The following ITGB5 variants were observed in gnomAD, a reference collection of about 807,000 sequenced individuals.
The protein encoded by ITGB5 is integrin beta-5.
In ITGB5, 38 loss-of-function variants were observed where a neutral mutation model predicts 84.8. The ratio of observed to expected loss-of-function variants is 0.45; its 90% CI spans 0.35 to 0.59. The LOEUF is 0.59. ITGB5 is among the 20% of genes least tolerant of loss of function. ITGB5 has a pLI of 0.01. For missense variants in ITGB5, 905 were observed against 1,034.5 expected, an observed-to-expected ratio of 0.87 and a Z score of 1.72; for synonymous variants, 393 against 414.4, an observed-to-expected ratio of 0.95 and a Z score of 0.63.
At position 124,766,464 on chromosome 3, in the gene ITGB5, AAATCTT is replaced by A. The variant is rs777803677; in HGVS notation, c.2018-125_2018-120del. ...AAAGGGCATGGGGGGTGTGGGCAGA[AAATCTT>A]AAGGGGAGGCTGGGCCTTTGAAGAT... On this transcript the variant is annotated intron_variant, in intron 12 of 14. Coordinates refer to ENST00000296181, the MANE Select transcript of ITGB5 (RefSeq NM_002213.5). 332 of 1,217,698 alleles carry A rather than the reference AAATCTT, an allele frequency of 2.7e-4. 1 individual carries two copies. The Middle Eastern group carries it at 3.1e-3, about 11-fold the overall frequency. The allele number at this position is 1,217,698 out of a possible 1,614,324, so 75.4% of individuals were successfully genotyped here.
Position 124,821,459 on chromosome 3 carries a change from G to A in ITGB5, c.796C>T (p.Arg266Ter), listed in dbSNP as rs761920079. 3.1e-6 allele frequency: 5 copies of A among 1,613,832 alleles called. No homozygotes were observed. The highest frequency in any genetic ancestry group is 4.2e-6 in the Non-Finnish European group (5 of 1,180,006). The change falls in exon 6 of 15, where the codon CGA becomes TGA. Residue 266 changes from arginine to a stop codon, truncating the protein, a stop_gained. Transcript: ENST00000296181. LOFTEE classifies it high-confidence loss of function. ...ACCAGCAAATGCAGTGCATCCTTTC[G>A]CCAGCCAATCTTCTCCTGAAGGACA... ...AAVCKEKIGW[R>*]KDALHLLVFT...
chr3:124,764,233 A>G (rs1238868485), intron 14 of ITGB5, among the ~76,000 whole-genome samples, 158 bp downstream of exon 14: 2 of 152,076 alleles, frequency 1.3e-5, no homozygotes, highest in African/African-American at 2.4e-5. Context: ...GGGCTGTGCA[A>G]TTCTCTCTCT....
At chr3:124,830,911 G>A (rs1162636231) in intron 5 of ITGB5, among the ~76,000 whole-genome samples, 1 of 152,158 alleles carries the variant, frequency 6.6e-6, no homozygotes, top group African/African-American at 2.4e-5. Flanking sequence ...TTGAACCCAG[G>A]AGGCAGAGGT....
chr3:124,817,037 T>C (rs192116791), intron 8 of ITGB5, among the ~76,000 whole-genome samples: 5 of 152,218 alleles, frequency 3.3e-5, no homozygotes, highest in East Asian at 1.9e-4. Context: ...CAGGGCAACA[T>C]AGTGAGACCT....
intron 1 of ITGB5, among the ~76,000 whole-genome samples, chr3:124,899,885 C>T (rs1190169432): frequency 1.2e-5 from 1 of 83,610 alleles, no homozygotes; most frequent in Non-Finnish European, 2.5e-5. Flanking sequence ...AAAAAAAAAG[C>T]AGCAGCAGGC....
At chr3:124,845,293 G>T (rs2065062450) in intron 4 of ITGB5, among the ~76,000 whole-genome samples, 4 of 152,206 alleles carry the variant, frequency 2.6e-5, no homozygotes, top group Admixed American at 2.0e-4. Context: ...AATTAGCTGG[G>T]TGTGGTGGCA....
chr3:124,836,406 A>G (rs2064935861), intron 5 of ITGB5, among the ~76,000 whole-genome samples: 1 of 151,926 alleles, frequency 6.6e-6, no homozygotes, highest in Non-Finnish European at 1.5e-5. Context: ...TGATAACACC[A>G]CAGCACTCCA....
At chr3:124,767,439 TAA>T (rs996701083) in intron 12 of ITGB5, among the ~76,000 whole-genome samples, 2 of 152,132 alleles carry the variant, frequency 1.3e-5, no homozygotes, top group Non-Finnish European at 2.9e-5. Flanking sequence ...GATTGGAACA[TAA>T]GCTTTCTCTG....
At position 124,848,345 on chromosome 3, in the gene ITGB5, T is replaced by C. The variant is rs781268570; in HGVS notation, c.575A>G (p.Tyr192Cys). The C allele has an allele frequency of 7.4e-6, 12 of 1,614,152 alleles. No individual in the cohort carries two copies. The Admixed American group carries it at 1.7e-4, about 22-fold the overall frequency. Residue 192 changes from tyrosine to cysteine, a missense_variant, in exon 4 of 15, where the codon TAC becomes TGC. By Grantham distance (194) the Tyr-to-Cys change is radical. Coordinates refer to ENST00000296181, the MANE Select transcript of ITGB5 (RefSeq NM_002213.5). Reference sequence around the variant, plus strand: ...ATTGGTCTGGTACCTCGGTGCCGTGTAGGAGAAAGGAGAGATGTCCTTATC... The same window carrying C: ...ATTGGTCTGGTACCTCGGTGCCGTGCAGGAGAAAGGAGAGATGTCCTTATC... ...FVDKDISPFSYTAPRYQTNPC... is the reference protein window; with the variant it reads ...FVDKDISPFSCTAPRYQTNPC...
chr3:124,876,330 A>G (rs896089337), intron 1 of ITGB5, among the ~76,000 whole-genome samples: 2 of 152,086 alleles, frequency 1.3e-5, no homozygotes, highest in Admixed American at 6.5e-5. Flanking sequence ...TTTAAAAAGT[A>G]AAAGAGAAGA....
chr3:124,812,192 C>A (rs1175310298), intron 8 of ITGB5, among the ~76,000 whole-genome samples: 4 of 152,178 alleles, frequency 2.6e-5, no homozygotes, highest in African/African-American at 4.8e-5. Context: ...TGGATGGAGT[C>A]AAAGTGCAGT....
chr3:124,883,083 T>C (rs1029271228), intron 1 of ITGB5, among the ~76,000 whole-genome samples: 17 of 152,268 alleles, frequency 1.1e-4, no homozygotes, highest in African/African-American at 4.1e-4. Flanking sequence ...CAACTGGAAA[T>C]ACCTGTGAAA....
intron 8 of ITGB5, among the ~76,000 whole-genome samples, chr3:124,814,213 AC>A (rs1369837634): frequency 6.6e-6 from 1 of 152,060 alleles, no homozygotes; most frequent in Non-Finnish European, 1.5e-5. Context: ...CATGGCTTTG[AC>A]CAACTGAACT....
intron 8 of ITGB5, among the ~76,000 whole-genome samples, chr3:124,813,956 C>A (rs2064544905): frequency 6.6e-6 from 1 of 152,144 alleles, no homozygotes; most frequent in Non-Finnish European, 1.5e-5. Flanking sequence ...GGAGCACCCC[C>A]CAAGAGTCAC....
intron 5 of ITGB5, among the ~76,000 whole-genome samples, chr3:124,835,225 C>T (rs1403787458): frequency 6.6e-6 from 1 of 152,252 alleles, no homozygotes; most frequent in Non-Finnish European, 1.5e-5. Context: ...CAACCCAGAA[C>T]AGCAGCTGTC....
upstream of ITGB5, among the ~76,000 whole-genome samples, chr3:124,890,987 C>A (rs1361865132): frequency 3.3e-5 from 5 of 152,226 alleles, no homozygotes; most frequent in East Asian, 9.6e-4. Flanking sequence ...AACTCCCCCC[C>A]CAGCCACTGG....
chr3:124,807,928 C>T (rs574179218), intron 9 of ITGB5, among the ~76,000 whole-genome samples: 7 of 107,766 alleles, frequency 6.5e-5, no homozygotes, highest in African/African-American at 1.1e-4. Flanking sequence ...GGCGACAGAG[C>T]GAGACTTCAT....
At chr3:124,881,853 A>G (rs2107650930) in intron 1 of ITGB5, among the ~76,000 whole-genome samples, 1 of 152,306 alleles carries the variant, frequency 6.6e-6, no homozygotes, top group Non-Finnish European at 1.5e-5. Flanking sequence ...CTGTAATCCC[A>G]GCTACTCGGG....
intron 1 of ITGB5, among the ~76,000 whole-genome samples, chr3:124,882,230 A>G (rs959441159): frequency 3.9e-5 from 6 of 152,320 alleles, no homozygotes; most frequent in African/African-American, 1.2e-4. Context: ...TTATTCACGG[A>G]GCTCACATCC....
Sources: gnomAD v4.1 joint callset for allele counts (sites outside exome capture counted in the v4.1 genomes callset) on GRCh38, gnomAD v4.1.1 for gene constraint, MANE v1.5 for transcripts, NCBI Gene and HGNC (gene_info 2026-07-23, HGNC 2026-07-21) for gene names.